Variants in SYN3 observed in about 807,000 individuals in gnomAD.
The protein encoded by SYN3 is synapsin-3.
In SYN3, 35 loss-of-function variants were observed where a neutral mutation model predicts 65.8. That is an observed-to-expected ratio of 0.53 (90% CI 0.41 to 0.70). The LOEUF is 0.70. SYN3 is among the 30% of genes least tolerant of loss of function. The pLI is 0.00. For missense variants in SYN3, 680 were observed against 749.0 expected (o/e 0.91, Z 1.08); for synonymous variants, 270 against 292.9 (o/e 0.92, Z 0.80).
At chr22:32,951,067 T>C (rs959481372) in intron 3 of SYN3, among the ~76,000 whole-genome samples, 1 of 152,232 alleles carries the variant, frequency 6.6e-6, no homozygotes, top group Non-Finnish European at 1.5e-5. Flanking sequence ...CCTCACTTCC[T>C]AAATTCTTTC....
intron 6 of SYN3, among the ~76,000 whole-genome samples, chr22:32,722,398 C>T (rs1601980856): frequency 6.6e-6 from 1 of 152,150 alleles, no homozygotes; most frequent in East Asian, 1.9e-4. Flanking sequence ...ATAATTTGCA[C>T]ATGGCTCGGA....
At position 32,807,356 on chromosome 22, in the gene SYN3, A is replaced by T. The variant is rs1313621352; in HGVS notation, c.711+57559T>A. ...TTTATATATAATATATAAATATATA[A>T]TATATAATATATATTATATATAATA... On this transcript the variant is annotated intron_variant, in intron 6 of 13. Transcript: ENST00000358763. Among the ~76,000 whole-genome samples, 8 of 4,112 alleles carry T rather than the reference A, an allele frequency of 1.9e-3. 1 individual carries two copies. In the South Asian group the frequency reaches 0.087, roughly 45 times the overall value. The allele number at this position is 4,112 out of a possible 152,430, so 2.7% of individuals were successfully genotyped here.
At position 32,886,989 on chromosome 22, in the gene SYN3, C is replaced by A. The variant is rs1314343627; in HGVS notation, c.462-17864G>T. Among the ~76,000 whole-genome samples, 3 of 152,130 alleles carry A rather than the reference C, an allele frequency of 2.0e-5. No individual in the cohort carries two copies. The East Asian group carries it at 5.8e-4, about 29-fold the overall frequency. ...ATACGGCAAAGGAGATGGGTTGGCACCCCATGATAATGCTACGTCAGATAA... is the reference window on the plus strand; with the variant it reads ...ATACGGCAAAGGAGATGGGTTGGCAACCCATGATAATGCTACGTCAGATAA... On this transcript the variant is annotated intron_variant, in intron 4 of 13. Coordinates refer to ENST00000358763, the MANE Select transcript of SYN3 (RefSeq NM_003490.4).
intron 3 of SYN3, among the ~76,000 whole-genome samples, chr22:32,963,742 C>T (rs1407333346): frequency 6.6e-6 from 1 of 152,048 alleles, no homozygotes; most frequent in Non-Finnish European, 1.5e-5. Flanking sequence ...TAGGAAGGGC[C>T]CTGGTGCTGC....
intron 7 of SYN3, among the ~76,000 whole-genome samples, chr22:32,553,658 T>G (rs2146312096): frequency 6.6e-6 from 1 of 152,264 alleles, no homozygotes. Context: ...TTAGGGAAGT[T>G]TTTTGAAATG....
chr22:33,023,198 C>T (rs759596664), intron 1 of SYN3, among the ~76,000 whole-genome samples: 9 of 152,096 alleles, frequency 5.9e-5, no homozygotes, highest in African/African-American at 1.4e-4. Context: ...GGTTTGGCTC[C>T]GTGTCCCGAC....
chr22:32,931,537 C>T lies in SYN3; in HGVS notation c.370-56G>A, dbSNP rs184801771. The stretch of plus-strand genomic sequence containing the variant: ...CATCAAATACCAACGGTGGTAACAA[C>T]GGTTAACACATATTGGGTACTTAGA... On this transcript the variant is annotated intron_variant, in intron 3 of 13. Transcript: ENST00000358763. 255 of 1,226,764 alleles carry T rather than the reference C, an allele frequency of 2.1e-4. No individual in the cohort carries two copies. In the African/African-American group the frequency reaches 3.2e-3, roughly 15 times the overall value. The allele number at this position is 1,226,764 out of a possible 1,614,324, so 76.0% of individuals were successfully genotyped here. A position where few individuals can be genotyped will look rare whatever the true frequency, so the allele number is the denominator to read the frequency against.
At chr22:32,699,008 T>C (rs1365519189) in intron 6 of SYN3, among the ~76,000 whole-genome samples, 3 of 152,150 alleles carry the variant, frequency 2.0e-5, no homozygotes, top group African/African-American at 7.2e-5. Flanking sequence ...CAATAAGAGA[T>C]TGACCGGAGA....
intron 7 of SYN3, 104 bp downstream of exon 7, chr22:32,596,570 G>T: frequency 8.7e-7 from 1 of 1,151,504 alleles, no homozygotes; most frequent in Non-Finnish European, 1.3e-6. Flanking sequence ...TCTGTTCTGG[G>T]TGCCTGTGCT....
rs1645235547 is a variant in SYN3, at chr22:32,801,182, A to G, written c.711+63733T>C. On this transcript the variant is annotated intron_variant, in intron 6 of 13. Coordinates refer to ENST00000358763, the MANE Select transcript of SYN3 (RefSeq NM_003490.4). The surrounding 1 kb of genome is among the most constrained non-coding windows in gnomAD (Gnocchi z 4.7). ...CAGAGAGTAAGAACCAGAGAGAGAGAGAAAGAGAGAGAGTTTGGGTCTTTC... is the reference window on the plus strand; with the variant it reads ...CAGAGAGTAAGAACCAGAGAGAGAGGGAAAGAGAGAGAGTTTGGGTCTTTC... 6.6e-6 allele frequency among the ~76,000 whole-genome samples: 1 copy of G among 152,200 alleles called. No homozygotes were observed. Among genetic ancestry groups the G allele is most frequent in the African/African-American group, 2.4e-5 (1 of 41,450 alleles).
chr22:32,962,226 C>A (rs2051678183), intron 3 of SYN3, among the ~76,000 whole-genome samples: 1 of 148,340 alleles, frequency 6.7e-6, no homozygotes, highest in South Asian at 2.2e-4. Flanking sequence ...ACCTTTACCT[C>A]CTGGGTTCAA....
At chr22:32,514,810 A>C (rs1352033815) in intron 13 of SYN3, among the ~76,000 whole-genome samples, 2 of 152,174 alleles carry the variant, frequency 1.3e-5, no homozygotes, top group African/African-American at 4.8e-5. Flanking sequence ...AGGTCAGGAG[A>C]TCGAGACCAT....
intron 6 of SYN3, among the ~76,000 whole-genome samples, chr22:32,714,972 A>G (rs1231473309): frequency 1.3e-5 from 2 of 152,152 alleles, no homozygotes; most frequent in African/African-American, 4.8e-5. Context: ...TGCATGGAAC[A>G]ACTTTCCCCG....
chr22:33,039,296 C>T (rs753390567), intron 1 of SYN3, among the ~76,000 whole-genome samples: 15 of 152,178 alleles, frequency 9.9e-5, no homozygotes, highest in African/African-American at 3.6e-4. Context: ...TGCCATGATG[C>T]CTCCAGGAGG....
chr22:32,679,048 CTTTTTTTTTTT>C (rs145971116), intron 6 of SYN3, among the ~76,000 whole-genome samples: 9 of 85,658 alleles, frequency 1.1e-4, no homozygotes, highest in African/African-American at 2.0e-4. Flanking sequence ...TTGTTTCTTT[CTTTTTTTTTTT>C]TTTTTTTTTT....
At chr22:32,614,591 G>T (rs2059489470) in intron 6 of SYN3, among the ~76,000 whole-genome samples, 1 of 152,204 alleles carries the variant, frequency 6.6e-6, no homozygotes, top group Non-Finnish European at 1.5e-5. Flanking sequence ...GAGCAGCAGA[G>T]CTCCTTCATC....
chr22:32,805,500 C>T (rs1271250332), intron 6 of SYN3, among the ~76,000 whole-genome samples: 1 of 152,118 alleles, frequency 6.6e-6, no homozygotes, highest in Non-Finnish European at 1.5e-5. Flanking sequence ...TCTGGGGGAC[C>T]CAGGCTGTGG....
chr22:32,959,350 C>G (rs1197284408), intron 3 of SYN3, among the ~76,000 whole-genome samples: 1 of 151,974 alleles, frequency 6.6e-6, no homozygotes, highest in African/African-American at 2.4e-5. Context: ...CTTCTTTGTT[C>G]TGTAAATTGC....
intron 6 of SYN3, among the ~76,000 whole-genome samples, chr22:32,626,420 C>A (rs935516000): frequency 6.6e-6 from 1 of 152,124 alleles, no homozygotes. Context: ...GGGCTCTGAT[C>A]GTCCTGGTAG....
Sources: gnomAD v4.1 joint callset for allele counts (sites outside exome capture counted in the v4.1 genomes callset) on GRCh38, gnomAD v4.1.1 for gene constraint, Gnocchi (gnomAD v3.1) non-coding constraint, MANE v1.5 for transcripts, NCBI Gene and HGNC (gene_info 2026-07-23, HGNC 2026-07-21) for gene names.